NRSN1: variants seen among roughly 807,000 people sequenced by gnomAD.
NRSN1 encodes the protein neurensin-1.
Under a neutral mutation model 17.3 loss-of-function variants are expected in NRSN1, and 14 were observed. The ratio of observed to expected loss-of-function variants is 0.81; its 90% CI spans 0.54 to 1.27. NRSN1 has a LOEUF of 1.27. Ranked by LOEUF, NRSN1 falls within the 50% of genes most tolerant of loss-of-function variation. NRSN1 has a pLI of 0.00. For missense variants in NRSN1, 209 were observed against 235.9 expected (o/e 0.89, Z 0.75); for synonymous variants, 79 against 94.2 (o/e 0.84, Z 0.93).
intron 2 of NRSN1, among the ~76,000 whole-genome samples, chr6:24,133,058 C>A (rs1421199825): frequency 6.6e-6 from 1 of 151,088 alleles, no homozygotes. Flanking sequence ...TTTTTTTAAC[C>A]ATGATTAGTA....
intron 3 of NRSN1, among the ~76,000 whole-genome samples, chr6:24,142,214 T>TTTTTTTTTC (rs71002462): frequency 7.5e-6 from 1 of 132,576 alleles, no homozygotes; most frequent in African/African-American, 2.6e-5. Context: ...TTTTTTTTTT[T>TTTTTTTTTC]CAGAAGACAT....
intron 3 of NRSN1, chr6:24,141,493 T>G (rs1173860606): frequency 1.2e-5 from 2 of 169,766 alleles, no homozygotes; most frequent in African/African-American, 4.8e-5. Flanking sequence ...CATTAAAGAC[T>G]GGCATTAACA....
At chr6:24,136,998 A>G (rs1176640591) in intron 3 of NRSN1, among the ~76,000 whole-genome samples, 1 of 152,236 alleles carries the variant, frequency 6.6e-6, no homozygotes, top group Non-Finnish European at 1.5e-5. Flanking sequence ...GTACCAACAC[A>G]GGAAAAAGCA....
intron 2 of NRSN1, among the ~76,000 whole-genome samples, chr6:24,132,666 C>T (rs1017575265): frequency 2.0e-5 from 3 of 152,100 alleles, no homozygotes; most frequent in Non-Finnish European, 1.5e-5. Flanking sequence ...TTTTATATTT[C>T]TTTTATTATT....
intron 2 of NRSN1, among the ~76,000 whole-genome samples, chr6:24,132,115 T>A (rs779332743): frequency 3.3e-5 from 5 of 152,164 alleles, no homozygotes; most frequent in African/African-American, 4.8e-5. Context: ...TGGTCATCAT[T>A]AATAGCACCA....
chr6:24,139,430 G>A (rs963578191), intron 3 of NRSN1, among the ~76,000 whole-genome samples: 2 of 152,224 alleles, frequency 1.3e-5, no homozygotes, highest in African/African-American at 2.4e-5. Flanking sequence ...AGATTCAAGA[G>A]ATTTTTATGA....
chr6:24,144,734 G>GCTACTGTT (rs1760273750), intron 3 of NRSN1, among the ~76,000 whole-genome samples: 1 of 151,896 alleles, frequency 6.6e-6, no homozygotes, highest in Non-Finnish European at 1.5e-5. Context: ...GTTATGAAGG[G>GCTACTGTT]CTACTGTTTT....
At chr6:24,141,158 G>C in intron 3 of NRSN1, 1 of 1,270,874 alleles carries the variant, frequency 7.9e-7, no homozygotes, top group Non-Finnish European at 1.0e-6. Flanking sequence ...AGGCTGCTTT[G>C]CTTCCTCAGA....
intron 3 of NRSN1, chr6:24,141,480 T>G (rs979216969): frequency 9.5e-4 from 172 of 180,256 alleles, no homozygotes; most frequent in African/African-American, 3.9e-3. Flanking sequence ...TCTCAGAGAT[T>G]CTCATTAAAG....
chr6:24,138,906 C>CAT (rs1279536372), intron 3 of NRSN1, among the ~76,000 whole-genome samples: 1 of 152,120 alleles, frequency 6.6e-6, no homozygotes, highest in Non-Finnish European at 1.5e-5. Flanking sequence ...TTTTGAAATA[C>CAT]ATATATATTG....
intron 3 of NRSN1, among the ~76,000 whole-genome samples, chr6:24,142,862 G>C (rs1241120375): frequency 6.6e-6 from 1 of 152,190 alleles, no homozygotes; most frequent in African/African-American, 2.4e-5. Flanking sequence ...GACCAGAGCA[G>C]GTTGCGGCTA....
At chr6:24,135,292 C>T (rs1316993872) in intron 3 of NRSN1, among the ~76,000 whole-genome samples, 2 of 152,052 alleles carry the variant, frequency 1.3e-5, no homozygotes, top group Non-Finnish European at 1.5e-5. Flanking sequence ...AGAAGAGATG[C>T]CATCTCAAGG....
chr6:24,139,388 C>T (rs1760166731), intron 3 of NRSN1, among the ~76,000 whole-genome samples: 1 of 152,156 alleles, frequency 6.6e-6, no homozygotes, highest in Non-Finnish European at 1.5e-5. Context: ...TGGCCCGCAC[C>T]ATTAGAGTGG....
chr6:24,142,213 T>TTTTTTTTTTTTTTTTTTTTC (rs957826257), intron 3 of NRSN1, among the ~76,000 whole-genome samples: 2 of 132,540 alleles, frequency 1.5e-5, no homozygotes, highest in Non-Finnish European at 3.3e-5. Context: ...TTTTTTTTTT[T>TTTTTTTTTTTTTTTTTTTTC]TCAGAAGACA....
chr6:24,139,830 G>A (rs1198319527), intron 3 of NRSN1, among the ~76,000 whole-genome samples: 3 of 152,194 alleles, frequency 2.0e-5, no homozygotes, highest in Non-Finnish European at 4.4e-5. Flanking sequence ...GCCTGAGGAG[G>A]GAGGATTGCT....
In NRSN1 at chr6:24,146,188, C is replaced by A. The variant is rs1270138080; in HGVS notation, c.*242C>A. ...ATGGGTGCTTCCTTGTACCCGGCCA[C>A]CAGAAAACCCCTGGAACTCCTCTTT... On this transcript the variant is annotated 3_prime_UTR_variant, in exon 4 of 4. Coordinates refer to ENST00000378491, the MANE Select transcript of NRSN1 (RefSeq NM_080723.5). 1.4e-6 allele frequency: 1 copy of A among 695,856 alleles called. No homozygotes were observed. The highest frequency in any genetic ancestry group is 2.0e-5 in the Admixed American group (1 of 49,362). The allele number at this position is 695,856 out of a possible 1,614,324, so 43.1% of individuals were successfully genotyped here. A position where few individuals can be genotyped will look rare whatever the true frequency, so the allele number is the denominator to read the frequency against.
At chr6:24,130,629 G>A (rs184825285) in intron 2 of NRSN1, among the ~76,000 whole-genome samples, 215 of 152,244 alleles carry the variant, frequency 1.4e-3, no homozygotes, top group Middle Eastern at 3.4e-3. Flanking sequence ...TGATACTGAA[G>A]TAACTTGTTA....
chr6:24,139,983 C>A (rs995913668), intron 3 of NRSN1, among the ~76,000 whole-genome samples: 2 of 152,138 alleles, frequency 1.3e-5, no homozygotes, highest in Non-Finnish European at 1.5e-5. Context: ...GAACATCCAG[C>A]AAAGCAGGTT....
At chr6:24,141,771 G>A (rs1483443851) in intron 3 of NRSN1, among the ~76,000 whole-genome samples, 1 of 152,158 alleles carries the variant, frequency 6.6e-6, no homozygotes, top group African/African-American at 2.4e-5. Context: ...CAATCACCTG[G>A]CTCTGTGTTC....
Sources: allele counts gnomAD v4.1 joint callset (sites outside exome capture counted in the v4.1 genomes callset), GRCh38; gene constraint gnomAD v4.1.1; transcripts MANE v1.5; gene names NCBI Gene and HGNC (gene_info 2026-07-23, HGNC 2026-07-21).